Variants in CSMD3 observed in about 807,000 individuals in gnomAD.
CSMD3 encodes CUB and sushi domain-containing protein 3.
A neutral mutation model predicts 435.2 loss-of-function variants in CSMD3; 177 were observed. That is an observed-to-expected ratio of 0.41 (90% CI 0.36 to 0.46). The LOEUF (loss-of-function observed/expected upper bound fraction) is 0.46. Ranked by LOEUF, CSMD3 falls within the 20% of genes least tolerant of loss-of-function variation. CSMD3 has a pLI of 0.34. For synonymous variants in CSMD3, 1,656 were observed against 1,520.5 expected, an observed-to-expected ratio of 1.09 and a Z score of -2.07; for missense variants, 4,265 against 4,504.6, an observed-to-expected ratio of 0.95 and a Z score of 1.52.
chr8:112,249,204 C>G (rs1242529872), intron 63 of CSMD3, among the ~76,000 whole-genome samples: 1 of 152,036 alleles, frequency 6.6e-6, no homozygotes, highest in African/African-American at 2.4e-5. Context: ...TTCACTTCAC[C>G]ACCAAAACTG....
intron 1 of CSMD3, among the ~76,000 whole-genome samples, chr8:113,355,710 A>T (rs2094218160): frequency 1.3e-5 from 1 of 77,284 alleles, no homozygotes; most frequent in African/African-American, 6.0e-5. Context: ...ATAACTCTTA[A>T]AAGTTTTATT....
Position 112,472,612 on chromosome 8 carries a change from T to C in CSMD3, c.5374A>G (p.Ile1792Val), listed in dbSNP as rs1818637790. 1 of 1,585,970 alleles carries C rather than the reference T, an allele frequency of 6.3e-7. No individual in the cohort carries two copies. The highest frequency in any genetic ancestry group is 8.7e-7 in the Non-Finnish European group (1 of 1,154,560). The change falls in exon 32 of 71, where the codon ATA (isoleucine) becomes GTA (valine). Residue 1792 changes from isoleucine (I) to valine (V), a missense_variant. Ile to Val is a conservative substitution (Grantham distance 29, BLOSUM62 3). Transcript: ENST00000297405. ...YSVGHNCVYSIAVPKEFVVFG... is the reference protein window; with the variant it reads ...YSVGHNCVYSVAVPKEFVVFG... ...TTACCAAACTCCTTTGGAACTGCTA[T>C]AGAATAAACACAATTATGTCCCACA... is the stretch of plus-strand genomic sequence containing the variant.
At chr8:113,277,200 C>G (rs563077320) in intron 3 of CSMD3, among the ~76,000 whole-genome samples, 2 of 151,932 alleles carry the variant, frequency 1.3e-5, no homozygotes, top group Non-Finnish European at 2.9e-5. Flanking sequence ...TAAAATTAAA[C>G]TTTGTGGTTA....
Position 112,791,119 on chromosome 8 carries a change from T to G in CSMD3, c.1972+9043A>C, listed in dbSNP as rs1163036091. Reference sequence around the variant, plus strand: ...TGGAGGATCACTTGAGCCCAAGAGTTCGAGACCAGCCTGGGCAATGTGGTG... The same window carrying G: ...TGGAGGATCACTTGAGCCCAAGAGTGCGAGACCAGCCTGGGCAATGTGGTG... On this transcript the variant is annotated intron_variant, in intron 13 of 70. Transcript: ENST00000297405. Among the ~76,000 whole-genome samples, 5 of 152,014 alleles carry G rather than the reference T, an allele frequency of 3.3e-5. No individual in the cohort carries two copies. In the East Asian group the frequency reaches 5.8e-4, roughly 18 times the overall value.
intron 10 of CSMD3, among the ~76,000 whole-genome samples, chr8:112,879,463 C>T (rs1454927808): frequency 3.9e-5 from 6 of 152,080 alleles, no homozygotes; most frequent in African/African-American, 1.4e-4. Context: ...TGGTTTCACC[C>T]AGAACTTGTG....
chr8:112,455,396 A>T (rs1039019347), intron 32 of CSMD3, among the ~76,000 whole-genome samples: 1 of 151,760 alleles, frequency 6.6e-6, no homozygotes, highest in African/African-American at 2.4e-5. Context: ...GTGGGTACAC[A>T]TGGACAGAAG....
chr8:113,066,442 C>T (rs2088863863), intron 5 of CSMD3, among the ~76,000 whole-genome samples: 1 of 151,940 alleles, frequency 6.6e-6, no homozygotes. Context: ...AGATCGACTA[C>T]CTCTAAATGA....
At chr8:112,851,261 C>T (rs1241812924) in intron 11 of CSMD3, among the ~76,000 whole-genome samples, 1 of 152,000 alleles carries the variant, frequency 6.6e-6, no homozygotes, top group African/African-American at 2.4e-5. Context: ...CCAGGACCAC[C>T]CGGAATGGCA....
chr8:113,357,077 T>A lies in CSMD3; in HGVS notation c.179-42284A>T, dbSNP rs2094235501. 1.3e-5 allele frequency among the ~76,000 whole-genome samples: 2 copies of A among 152,174 alleles called. 1 individual carries two copies. Among genetic ancestry groups the A allele is most frequent in the South Asian group, 4.1e-4 (2 of 4,836 alleles). On this transcript the variant is annotated intron_variant, in intron 1 of 70. Coordinates refer to ENST00000297405, the MANE Select transcript of CSMD3 (RefSeq NM_198123.2). ...ATATATATACATACATATATTTATG[T>A]GTTTGTGTTGTATTTACATCAATGC... is the stretch of plus-strand genomic sequence containing the variant.
intron 27 of CSMD3, among the ~76,000 whole-genome samples, chr8:112,528,078 G>T (rs900572873): frequency 6.6e-6 from 1 of 152,004 alleles, no homozygotes; most frequent in Non-Finnish European, 1.5e-5. Flanking sequence ...TAACACTATG[G>T]TCCTCATGTA....
chr8:113,424,550 A>G (rs1040287610), intron 1 of CSMD3, among the ~76,000 whole-genome samples: 2 of 151,516 alleles, frequency 1.3e-5, no homozygotes, highest in African/African-American at 4.8e-5. Context: ...TGAAAGTATT[A>G]AGAAGCCAAG....
At chr8:112,310,409 C>G in intron 50 of CSMD3, 1 of 154,048 alleles carries the variant, frequency 6.5e-6, no homozygotes, top group Admixed American at 6.4e-5. Flanking sequence ...GCTTGTTATT[C>G]TTTTTGCAGC....
At chr8:113,186,570 T>C (rs1480459) in intron 3 of CSMD3, among the ~76,000 whole-genome samples, 52,917 of 151,788 alleles carry the variant, frequency 0.35, 10,412 homozygotes, top group African/African-American at 0.54. Context: ...GATCAGCTCT[T>C]GTGGAAAAGA....
At chr8:112,547,573 A>C (rs1030698492) in intron 27 of CSMD3, among the ~76,000 whole-genome samples, 14 of 152,028 alleles carry the variant, frequency 9.2e-5, no homozygotes, top group African/African-American at 2.7e-4. Context: ...CAACCAAAAA[A>C]CTTCTAGAAC....
intron 4 of CSMD3, among the ~76,000 whole-genome samples, chr8:113,171,537 T>G (rs912312165): frequency 7.4e-5 from 1 of 13,520 alleles, no homozygotes; most frequent in Non-Finnish European, 1.2e-4. Flanking sequence ...TTAGGGAGTT[T>G]TATGGTTTTT....
intron 61 of CSMD3, among the ~76,000 whole-genome samples, chr8:112,263,264 G>T (rs62514386): frequency 0.2 from 30,304 of 151,630 alleles, 3,627 homozygotes; most frequent in East Asian, 0.37. Context: ...AACTTTATTT[G>T]AATAAACATG....
At chr8:112,529,050 T>C (rs1412613030) in intron 27 of CSMD3, among the ~76,000 whole-genome samples, 1 of 151,978 alleles carries the variant, frequency 6.6e-6, no homozygotes, top group Non-Finnish European at 1.5e-5. Flanking sequence ...CAGCATAACA[T>C]GAGCAACAAC....
chr8:112,619,371 C>T (rs1833895695), intron 22 of CSMD3, among the ~76,000 whole-genome samples: 1 of 151,864 alleles, frequency 6.6e-6, no homozygotes, highest in Non-Finnish European at 1.5e-5. Context: ...GGTTTATTAT[C>T]ACCCTTTCAA....
chr8:112,431,867 A>C (rs141137381), intron 32 of CSMD3, among the ~76,000 whole-genome samples: 1 of 152,094 alleles, frequency 6.6e-6, no homozygotes, highest in Non-Finnish European at 1.5e-5. Flanking sequence ...AAGCTTAGTA[A>C]CTTTTTTCTT....
Sources: allele counts gnomAD v4.1 joint callset (sites outside exome capture counted in the v4.1 genomes callset), GRCh38; gene constraint gnomAD v4.1.1; transcripts MANE v1.5; gene names NCBI Gene and HGNC (gene_info 2026-07-23, HGNC 2026-07-21).